The following PTPRK variants were observed in gnomAD, a reference collection of about 807,000 sequenced individuals.
PTPRK encodes the protein protein tyrosine phosphatase receptor type K, also known as receptor-type tyrosine-protein phosphatase kappa.
PTPRK carries 75 observed loss-of-function variants against 178.0 expected under a neutral mutation model. The observed-to-expected ratio is 0.42, with a 90% CI of 0.35 to 0.51. The LOEUF (loss-of-function observed/expected upper bound fraction) is 0.51, where lower values mean the gene tolerates loss of function less well. Ranked by LOEUF, PTPRK falls within the 20% of genes least tolerant of loss-of-function variation. PTPRK has a pLI of 0.02. For missense variants in PTPRK, 1,441 were observed against 1,797.8 expected (o/e 0.80, Z 3.59); for synonymous variants, 637 against 620.6 (o/e 1.03, Z -0.39).
At position 128,403,298 on chromosome 6, in the gene PTPRK, C is replaced by A. The variant is rs531916060; in HGVS notation, c.101-5610G>T. Among the ~76,000 whole-genome samples the A allele has an allele frequency of 2.0e-5, 3 of 152,296 alleles. 1 individual carries two copies. The highest frequency in any genetic ancestry group is 2.1e-4 in the South Asian group (1 of 4,828). On this transcript the variant is annotated intron_variant, in intron 1 of 29. Transcript: ENST00000368226. Reference sequence around the variant, plus strand: ...ATGGAATAACAAGTTCAGTTCCACCCCCTTCATCTTTACAGAGAAACAACA... The same window carrying A: ...ATGGAATAACAAGTTCAGTTCCACCACCTTCATCTTTACAGAGAAACAACA...
At chr6:128,098,113 A>G (rs1445838864) in intron 7 of PTPRK, among the ~76,000 whole-genome samples, 1 of 152,174 alleles carries the variant, frequency 6.6e-6, no homozygotes, top group Non-Finnish European at 1.5e-5. Flanking sequence ...TCCATAGTAT[A>G]TGGTTGGAAA....
At chr6:128,200,932 A>G (rs1583455290) in intron 6 of PTPRK, among the ~76,000 whole-genome samples, 13 of 96,082 alleles carry the variant, frequency 1.4e-4, no homozygotes, top group African/African-American at 1.6e-4. Flanking sequence ...AGGGAGGGGA[A>G]GGGAAGGGAC....
intron 7 of PTPRK, among the ~76,000 whole-genome samples, chr6:128,109,737 A>G (rs1007186534): frequency 1.3e-5 from 2 of 152,194 alleles, no homozygotes; most frequent in Non-Finnish European, 2.9e-5. Flanking sequence ...CATTTTCAAA[A>G]CAAGCCCAGT....
At chr6:128,056,334 A>G (rs1479696691) in intron 13 of PTPRK, among the ~76,000 whole-genome samples, 1 of 151,918 alleles carries the variant, frequency 6.6e-6, no homozygotes, top group Non-Finnish European at 1.5e-5. Context: ...ACTTACCACC[A>G]CAATTCAAAG....
At chr6:128,340,657 A>C (rs1831541924) in intron 2 of PTPRK, 1 of 320,016 alleles carries the variant, frequency 3.1e-6, no homozygotes, top group Non-Finnish European at 5.9e-6. Flanking sequence ...ACATGTATAA[A>C]ATCAATACAG....
intron 1 of PTPRK, among the ~76,000 whole-genome samples, chr6:128,448,632 CA>C (rs1847342613): frequency 6.6e-6 from 1 of 152,120 alleles, no homozygotes; most frequent in South Asian, 2.1e-4. Context: ...CAACAAAAAT[CA>C]AAGATTTTCT....
chr6:128,310,203 T>C (rs1247072120), intron 3 of PTPRK, among the ~76,000 whole-genome samples: 1 of 152,194 alleles, frequency 6.6e-6, no homozygotes, highest in Admixed American at 6.6e-5. Context: ...AGATAGCTGA[T>C]AGATATACAT....
chr6:128,106,365 C>T (rs996481964), intron 7 of PTPRK, among the ~76,000 whole-genome samples: 4 of 151,962 alleles, frequency 2.6e-5, no homozygotes, highest in African/African-American at 9.7e-5. Flanking sequence ...GTTTATCCAT[C>T]TTCTACTCCC....
intron 7 of PTPRK, among the ~76,000 whole-genome samples, chr6:128,162,429 T>C (rs1011328189): frequency 1.3e-5 from 2 of 151,670 alleles, no homozygotes; most frequent in Non-Finnish European, 3.0e-5. Flanking sequence ...TCTGCATGTG[T>C]TGGGAAAGCC....
intron 2 of PTPRK, among the ~76,000 whole-genome samples, chr6:128,328,838 AAAGATAGT>A (rs1338296999): frequency 6.6e-6 from 1 of 152,214 alleles, no homozygotes; most frequent in African/African-American, 2.4e-5. Flanking sequence ...AATAAACAAA[AAAGATAGT>A]AAGAAGTAAT....
chr6:128,339,669 G>GA (rs898438607), intron 2 of PTPRK, among the ~76,000 whole-genome samples: 22 of 150,452 alleles, frequency 1.5e-4, no homozygotes, highest in Admixed American at 2.6e-4. Flanking sequence ...CTGGAACACA[G>GA]AAAAAAAAAT....
At chr6:128,155,349 C>G (rs73588653) in intron 7 of PTPRK, among the ~76,000 whole-genome samples, 5,263 of 151,664 alleles carry the variant, frequency 0.035, 231 homozygotes, top group African/African-American at 0.1. Context: ...AAGTTTTGCA[C>G]AGTGGAAATA....
At chr6:128,256,437 A>G (rs992326745) in intron 3 of PTPRK, among the ~76,000 whole-genome samples, 66 of 150,672 alleles carry the variant, frequency 4.4e-4, no homozygotes, top group Admixed American at 4.3e-3. Context: ...TAGGCAAACT[A>G]TGTTCTTCAT....
intron 1 of PTPRK, among the ~76,000 whole-genome samples, chr6:128,476,409 CAAACA>C (rs1851377936): frequency 6.6e-6 from 1 of 151,480 alleles, no homozygotes; most frequent in Non-Finnish European, 1.5e-5. Context: ...TTTAAGAAAA[CAAACA>C]AAACAACTTG....
chr6:128,191,781 T>A (rs1019060449), intron 6 of PTPRK, among the ~76,000 whole-genome samples: 1 of 152,104 alleles, frequency 6.6e-6, no homozygotes, highest in Non-Finnish European at 1.5e-5. Flanking sequence ...AGCTCAACAA[T>A]GTAGAAAATA....
chr6:128,281,065 G>A (rs1398102821), intron 3 of PTPRK, among the ~76,000 whole-genome samples: 5 of 152,106 alleles, frequency 3.3e-5, no homozygotes, highest in Admixed American at 2.6e-4. Context: ...CAAACATTGG[G>A]TCATATTATA....
chr6:128,364,749 T>A (rs1437958037), intron 2 of PTPRK, among the ~76,000 whole-genome samples: 6 of 152,104 alleles, frequency 3.9e-5, no homozygotes, highest in Non-Finnish European at 5.9e-5. Flanking sequence ...CCTAAACTTG[T>A]ACATTTTTAA....
At chr6:128,079,916 T>C (rs947366167) in intron 10 of PTPRK, among the ~76,000 whole-genome samples, 2 of 151,922 alleles carry the variant, frequency 1.3e-5, no homozygotes, top group African/African-American at 4.8e-5. Flanking sequence ...ACACAGATTA[T>C]AGCCCCTCTA....
At chr6:128,076,377 C>G (rs915660434) in intron 11 of PTPRK, among the ~76,000 whole-genome samples, 1 of 151,980 alleles carries the variant, frequency 6.6e-6, no homozygotes, top group African/African-American at 2.4e-5. Context: ...CAGGGCTCAT[C>G]TGAAGCCAGA....
Sources: allele counts gnomAD v4.1 joint callset (sites outside exome capture counted in the v4.1 genomes callset), GRCh38; gene constraint gnomAD v4.1.1; transcripts MANE v1.5; gene names NCBI Gene and HGNC (gene_info 2026-07-23, HGNC 2026-07-21).